ZGRF1: variants seen among roughly 807,000 people sequenced by gnomAD.
ZGRF1 encodes the protein 5'-3' DNA helicase ZGRF1.
ZGRF1 carries 196 observed loss-of-function variants against 203.5 expected under a neutral mutation model. The observed-to-expected ratio is 0.96, with a 90% confidence interval of 0.86 to 1.08. The LOEUF (loss-of-function observed/expected upper bound fraction) is 1.08, where lower values mean the gene tolerates loss of function less well. ZGRF1 is among the 50% of genes least tolerant of loss of function. The pLI, the probability that ZGRF1 is intolerant of heterozygous loss-of-function variation, is 0.00. For missense variants in ZGRF1, 2,326 were observed against 2,416.3 expected, an observed-to-expected ratio of 0.96 and a Z score of 0.78; for synonymous variants, 809 against 841.3, an observed-to-expected ratio of 0.96 and a Z score of 0.66.
Position 112,619,692 on chromosome 4 carries a change from T to C in ZGRF1, c.352-2A>G. 1.3e-5 allele frequency: 20 copies of C among 1,584,346 alleles called. No individual in the cohort carries two copies. The highest frequency in any genetic ancestry group is 1.7e-5 in the Non-Finnish European group (20 of 1,167,068). ...AACCTGACGTGGTCCTTGAAAACCCTGAAAATATTAAAATAACTGTTAGGT... is the reference window on the plus strand; with the variant it reads ...AACCTGACGTGGTCCTTGAAAACCCCGAAAATATTAAAATAACTGTTAGGT... On this transcript the variant is annotated splice_acceptor_variant, in intron 5 of 27. Transcript: ENST00000505019. LOFTEE classifies it high-confidence loss of function.
Position 112,587,805 on chromosome 4 carries a change from C to T in ZGRF1, c.3252G>A (p.Ser1084=), listed in dbSNP as rs185059885. The change falls in exon 12 of 28, where the codon TCG becomes TCA. Residue 1084 remains serine (S), a synonymous_variant. Coordinates refer to ENST00000505019, the MANE Select transcript of ZGRF1 (RefSeq NM_018392.5). ...TDGPPDLDSH[S]YMINSNTYES... is the part of the protein sequence containing the mutation. ...CGTATGTGTTAGAGTTGATCATATACGAATGAGAGTCTAAGTCAGGTGGCC... is the reference window on the plus strand; with the variant it reads ...CGTATGTGTTAGAGTTGATCATATATGAATGAGAGTCTAAGTCAGGTGGCC... 140 of 1,551,996 alleles carry T rather than the reference C, an allele frequency of 9.0e-5. No individual in the cohort carries two copies. Among genetic ancestry groups the T allele is most frequent in the East Asian group, 2.7e-4 (11 of 40,930 alleles).
At position 112,553,840 on chromosome 4, in the gene ZGRF1, T is replaced by C. The variant is rs1032634758; in HGVS notation, c.5341A>G (p.Lys1781Glu). 1.2e-6 allele frequency: 2 copies of C among 1,604,720 alleles called. No homozygotes were observed. The highest frequency in any genetic ancestry group is 1.7e-6 in the Non-Finnish European group (2 of 1,177,704). Residue 1781 changes from lysine (K) to glutamate (E), a missense_variant, in exon 22 of 28, where the codon AAG becomes GAG. By Grantham distance (56) the Lys-to-Glu change is moderately conservative (BLOSUM62 1). Coordinates refer to ENST00000505019, the MANE Select transcript of ZGRF1 (RefSeq NM_018392.5). Reference sequence around the variant, plus strand: ...TTGAAGCTACTACTTCTTACCTGCTTCAGCAGGGTTCTATTGGTCCCCAGT... The same window carrying C: ...TTGAAGCTACTACTTCTTACCTGCTCCAGCAGGGTTCTATTGGTCCCCAGT... ...HKLGTNRTLL[K>E]QVRVVGVTCA...
intron 24 of ZGRF1, among the ~76,000 whole-genome samples, chr4:112,546,466 T>G (rs969887806): frequency 6.6e-6 from 1 of 152,242 alleles, no homozygotes; most frequent in East Asian, 1.9e-4. Context: ...AATGGTTTTA[T>G]GTTAGATGAA....
At chr4:112,591,172 T>C (rs1405944920) in intron 10 of ZGRF1, among the ~76,000 whole-genome samples, 3 of 152,198 alleles carry the variant, frequency 2.0e-5, no homozygotes, top group African/African-American at 4.8e-5. Flanking sequence ...GCCAACACTA[T>C]ATATTTTAAC....
intron 19 of ZGRF1, among the ~76,000 whole-genome samples, chr4:112,558,977 T>C (rs1741450003): frequency 2.0e-5 from 3 of 152,244 alleles, no homozygotes; most frequent in Non-Finnish European, 2.9e-5. Flanking sequence ...ATGTCCAGAC[T>C]GCTTAGAGAT....
chr4:112,612,639 C>G (rs765045379), intron 6 of ZGRF1, 51 bp from the exon 7 acceptor site: 3 of 1,175,014 alleles, frequency 2.6e-6, no homozygotes, highest in Non-Finnish European at 3.7e-6. Flanking sequence ...TAGCAGTACT[C>G]TAAAATTTAA....
At position 112,541,214 on chromosome 4, in the gene ZGRF1, C is replaced by T. The variant is rs918188639; in HGVS notation, c.5653G>A (p.Ala1885Thr). 3.1e-6 allele frequency: 5 copies of T among 1,609,494 alleles called. No homozygotes were observed. Among genetic ancestry groups the T allele is most frequent in the Non-Finnish European group, 4.2e-6 (5 of 1,176,760 alleles). ...TQYRCHPAIS[A>T]IANDLFYKGA... ...TTGTAAAACAGATCATTAGCAATAG[C>T]ACTGATTGCAGGATGACAACGGTAT... Residue 1885 changes from alanine to threonine, a missense_variant, in exon 25 of 28, where the codon GCT (alanine) becomes ACT (threonine). Transcript: ENST00000505019.
At chr4:112,580,651 T>C (rs1322868522) in intron 16 of ZGRF1, among the ~76,000 whole-genome samples, 1 of 152,154 alleles carries the variant, frequency 6.6e-6, no homozygotes, top group Non-Finnish European at 1.5e-5. Flanking sequence ...AGAAGACATT[T>C]ATGCAGCCAA....
At chr4:112,565,523 G>A (rs1444664606) in intron 16 of ZGRF1, 1 of 603,030 alleles carries the variant, frequency 1.7e-6, no homozygotes, top group South Asian at 2.1e-5. Context: ...AAGAGCTTCT[G>A]CACAGCAAAA....
intron 7 of ZGRF1, among the ~76,000 whole-genome samples, chr4:112,611,970 G>T (rs796644459): frequency 2.1e-5 from 3 of 143,990 alleles, no homozygotes; most frequent in South Asian, 4.4e-4. Context: ...GTGGGGTTTT[G>T]TTTTTTTTTT....
At chr4:112,543,942 T>C (rs1018037928) in intron 24 of ZGRF1, among the ~76,000 whole-genome samples, 2 of 152,004 alleles carry the variant, frequency 1.3e-5, no homozygotes, top group Non-Finnish European at 2.9e-5. Context: ...CCCACCTCAG[T>C]CTCCCAAAGT....
At position 112,617,728 on chromosome 4, in the gene ZGRF1, G is replaced by A. The variant is rs758709577; in HGVS notation, c.2314C>T (p.His772Tyr). The change falls in exon 6 of 28, where the codon CAT (histidine) becomes TAT (tyrosine). Residue 772 changes from histidine (H) to tyrosine (Y), a missense_variant. His to Tyr is a moderately conservative substitution (Grantham distance 83, BLOSUM62 2). Transcript: ENST00000505019. ...NSLFYPLGKK[H>Y]LISKDTEAHI... ...GCTTCTGTGTCTTTGGAAATAAGATGCTTTTTTCCCAGTGGGTAAAACAAA... is the reference window on the plus strand; with the variant it reads ...GCTTCTGTGTCTTTGGAAATAAGATACTTTTTTCCCAGTGGGTAAAACAAA... 3.1e-6 allele frequency: 5 copies of A among 1,613,946 alleles called. No individual in the cohort carries two copies. In the African/African-American group the frequency reaches 4.0e-5, roughly 13 times the overall value.
chr4:112,573,400 G>T (rs940110068), intron 16 of ZGRF1, among the ~76,000 whole-genome samples: 49 of 152,182 alleles, frequency 3.2e-4, no homozygotes, highest in African/African-American at 1.0e-3. Context: ...GGGGACTCAG[G>T]GGAAAGGGTA....
chr4:112,628,528 G>A (rs979084980), intron 3 of ZGRF1: 1 of 453,144 alleles, frequency 2.2e-6, no homozygotes. Context: ...TTTAGATAGA[G>A]AAAAGGCATA....
chr4:112,624,963 G>A (rs1246734259), intron 3 of ZGRF1, among the ~76,000 whole-genome samples: 1 of 152,148 alleles, frequency 6.6e-6, no homozygotes, highest in Admixed American at 6.5e-5. Context: ...TATATCAACT[G>A]TATTATGAAT....
chr4:112,573,270 A>C (rs1744539658), intron 16 of ZGRF1, among the ~76,000 whole-genome samples: 1 of 152,142 alleles, frequency 6.6e-6, no homozygotes, highest in Non-Finnish European at 1.5e-5. Context: ...ATGGAACTGG[A>C]GACCACTATT....
intron 16 of ZGRF1, chr4:112,565,037 C>T: frequency 3.7e-6 from 4 of 1,068,812 alleles, no homozygotes; most frequent in Non-Finnish European, 5.9e-6. Flanking sequence ...GGTAAACCAC[C>T]CAGGAAGCAA....
chr4:112,609,462 A>G, intron 7 of ZGRF1, 33 bp from the exon 8 acceptor site: 1 of 1,154,202 alleles, frequency 8.7e-7, no homozygotes, highest in East Asian at 2.5e-5. Flanking sequence ...TAGATAAACT[A>G]ATAGGCAATA....
intron 16 of ZGRF1, among the ~76,000 whole-genome samples, chr4:112,578,140 C>T (rs1339545937): frequency 8.1e-6 from 1 of 122,968 alleles, no homozygotes; most frequent in Non-Finnish European, 1.8e-5. Flanking sequence ...AACCACTCAA[C>T]TACATGGAAA....
Sources: allele counts gnomAD v4.1 joint callset (sites outside exome capture counted in the v4.1 genomes callset), GRCh38; gene constraint gnomAD v4.1.1; transcripts MANE v1.5; gene names NCBI Gene and HGNC (gene_info 2026-07-23, HGNC 2026-07-21).